The following KIAA0753 variants were observed in gnomAD, a reference collection of about 807,000 sequenced individuals.
KIAA0753 encodes the protein protein moonraker.
In KIAA0753, 114 loss-of-function variants were observed where a neutral mutation model predicts 116.9. That is an observed-to-expected ratio of 0.98 (90% CI 0.84 to 1.14). The LOEUF is 1.14. Ranked by LOEUF, KIAA0753 falls within the 50% of genes most tolerant of loss-of-function variation. The probability of loss-of-function intolerance (pLI) is 0.00; values close to 1 mark genes in which losing one functional copy is unlikely to be tolerated. For missense variants in KIAA0753, 1,156 were observed against 1,172.4 expected, an observed-to-expected ratio of 0.99 and a Z score of 0.20; for synonymous variants, 405 against 413.1, an observed-to-expected ratio of 0.98 and a Z score of 0.24.
chr17:6,594,827 G>A (rs1203081263), intron 16 of KIAA0753, 145 bp downstream of exon 16: 2 of 657,224 alleles, frequency 3.0e-6, no homozygotes, highest in Non-Finnish European at 5.4e-6. Flanking sequence ...GGATAAATAG[G>A]TGACAAAGCA....
intron 14 of KIAA0753, 57 bp downstream of exon 14, chr17:6,599,180 C>T: frequency 8.4e-7 from 1 of 1,189,284 alleles, no homozygotes; most frequent in Non-Finnish European, 1.3e-6. Context: ...ATTTTCATTA[C>T]AACTAAAGAT....
chr17:6,607,080 C>T lies in KIAA0753; in HGVS notation c.1919+101G>A. 8 of 1,391,510 alleles carry T rather than the reference C, an allele frequency of 5.7e-6. No individual in the cohort carries two copies. In the South Asian group the frequency reaches 9.4e-5, roughly 16 times the overall value. The allele number at this position is 1,391,510 out of a possible 1,614,324, so 86.2% of individuals were successfully genotyped here. ...AAGTGACTTCAGTCTTTTAAGGAGGCAGAAGTGTAGCTAGACCTAAATAAT... is the reference window on the plus strand; with the variant it reads ...AAGTGACTTCAGTCTTTTAAGGAGGTAGAAGTGTAGCTAGACCTAAATAAT... On this transcript the variant is annotated intron_variant, in intron 11 of 18. Coordinates refer to ENST00000361413, the MANE Select transcript of KIAA0753 (RefSeq NM_014804.3).
chr17:6,627,576 C>CCCTG (rs1567584737), intron 3 of KIAA0753, among the ~76,000 whole-genome samples: 1 of 152,144 alleles, frequency 6.6e-6, no homozygotes, highest in Non-Finnish European at 1.5e-5. Context: ...GAGAACACTG[C>CCCTG]AGAACTGTAG....
At chr17:6,640,217 G>A (rs1972576784) in intron 1 of KIAA0753, 2 of 152,168 alleles carry the variant, frequency 1.3e-5, no homozygotes, top group Non-Finnish European at 2.9e-5. Context: ...CGAACCCCCC[G>A]CCCCGACCTG....
intron 18 of KIAA0753, among the ~76,000 whole-genome samples, chr17:6,581,149 G>T (rs902443223): frequency 2.0e-5 from 3 of 151,974 alleles, no homozygotes; most frequent in African/African-American, 7.3e-5. Flanking sequence ...CTAGTCCAAG[G>T]TTCCAGTCTG....
At chr17:6,614,189 C>A (rs1273180340) in intron 7 of KIAA0753, among the ~76,000 whole-genome samples, 1 of 152,172 alleles carries the variant, frequency 6.6e-6, no homozygotes, top group Admixed American at 6.5e-5. Flanking sequence ...CTCTCACAGA[C>A]TATTAGCAAC....
intron 12 of KIAA0753, among the ~76,000 whole-genome samples, chr17:6,604,752 G>A (rs1041867535): frequency 1.3e-5 from 2 of 151,964 alleles, no homozygotes; most frequent in Non-Finnish European, 2.9e-5. Context: ...GTAGTACTGT[G>A]CTGTAGTTTC....
intron 3 of KIAA0753, 38 bp downstream of exon 3, chr17:6,628,079 C>G (rs767583775): frequency 5.1e-6 from 8 of 1,566,284 alleles, no homozygotes; most frequent in Non-Finnish European, 6.0e-6. Context: ...CCCATAATCA[C>G]AGCCTTAGGT....
At chr17:6,580,821 G>A (rs1968107583) in intron 18 of KIAA0753, among the ~76,000 whole-genome samples, 1 of 151,834 alleles carries the variant, frequency 6.6e-6, no homozygotes, top group Admixed American at 6.6e-5. Context: ...TGCCTGACCG[G>A]CCGACGGAGG....
chr17:6,600,320 A>T, intron 13 of KIAA0753, 60 bp downstream of exon 13: 1 of 1,311,216 alleles, frequency 7.6e-7, no homozygotes, highest in Non-Finnish European at 1.1e-6. Context: ...CTCTGCAGCA[A>T]CTCATTTTAA....
At chr17:6,600,572 C>T (rs551552797) in intron 12 of KIAA0753, 114 bp from the exon 13 acceptor site, 26 of 708,556 alleles carry the variant, frequency 3.7e-5, no homozygotes, top group African/African-American at 3.4e-4. Context: ...CTTCTCTAAC[C>T]GTTCATGGCC....
rs55849399 is a variant in KIAA0753, at chr17:6,624,536, C to CCACACACACA, written c.825+209_825+218dup. Reference sequence around the variant, plus strand: ...AAGAACCAGTTTAAGGAGTTTGGCGCCACACACACACACACACACACACAC... The same window carrying CCACACACACA: ...AAGAACCAGTTTAAGGAGTTTGGCGCCACACACACACACACACACACACACACACACACAC... On this transcript the variant is annotated intron_variant, in intron 4 of 18. Coordinates refer to ENST00000361413, the MANE Select transcript of KIAA0753 (RefSeq NM_014804.3). Among the ~76,000 whole-genome samples, 14,288 of 143,804 alleles carry CCACACACACA rather than the reference C, an allele frequency of 0.099. 860 individuals carry two copies. The highest frequency in any genetic ancestry group is 0.19 in the East Asian group (945 of 4,854). 94.3% of individuals were successfully genotyped at this position (143,804 alleles called of 152,430 possible).
chr17:6,610,872 G>A (rs571597070), intron 8 of KIAA0753, among the ~76,000 whole-genome samples: 1 of 152,232 alleles, frequency 6.6e-6, no homozygotes, highest in Non-Finnish European at 1.5e-5. Flanking sequence ...CTGTGGAGAG[G>A]CGCACCCATC....
chr17:6,622,330 A>G lies in KIAA0753; in HGVS notation c.1104+552T>C, dbSNP rs117787470. On this transcript the variant is annotated intron_variant, in intron 6 of 18. Transcript: ENST00000361413. ...TCAAATGGCATAATTACATGGAAACACCATGCAAACTTCAGAGAGCTATAA... is the reference window on the plus strand; with the variant it reads ...TCAAATGGCATAATTACATGGAAACGCCATGCAAACTTCAGAGAGCTATAA... Among the ~76,000 whole-genome samples the G allele has an allele frequency of 5.3e-3, 802 of 152,366 alleles. 4 individuals carry two copies. The highest frequency in any genetic ancestry group is 9.8e-3 in the Non-Finnish European group (669 of 68,030).
At chr17:6,592,613 A>T (rs972107597) in intron 16 of KIAA0753, among the ~76,000 whole-genome samples, 2 of 152,244 alleles carry the variant, frequency 1.3e-5, no homozygotes, top group African/African-American at 4.8e-5. Flanking sequence ...GACTTCCATT[A>T]GGAAAAAACA....
chr17:6,596,356 G>A lies in KIAA0753; in HGVS notation c.2173-13C>T. 4.4e-6 allele frequency: 7 copies of A among 1,590,528 alleles called. No homozygotes were observed. The highest frequency in any genetic ancestry group is 6.0e-6 in the Non-Finnish European group (7 of 1,163,500). On this transcript the variant is annotated splice_polypyrimidine_tract_variant and intron_variant, in intron 14 of 18. Transcript: ENST00000361413. ...CAACAGCTGCAACCTACAAGATGGG[G>A]TGGGGTGGGGAGGAGAGGCATGGGG...
At chr17:6,599,530 C>G (rs1969709995) in intron 13 of KIAA0753, among the ~76,000 whole-genome samples, 1 of 152,220 alleles carries the variant, frequency 6.6e-6, no homozygotes, top group African/African-American at 2.4e-5. Context: ...TCCCTCAACT[C>G]TGTAAACATT....
In KIAA0753 at chr17:6,618,872, A is replaced by G. The variant is rs184440212; in HGVS notation, c.1315+1916T>C. On this transcript the variant is annotated intron_variant, in intron 7 of 18. Coordinates refer to ENST00000361413, the MANE Select transcript of KIAA0753 (RefSeq NM_014804.3). ...ACAAAATCAGGTAGAAAAAAGTTCA[A>G]ATATGTCATTAATCTCATTAAATGT... is the stretch of plus-strand genomic sequence containing the variant. Among the ~76,000 whole-genome samples the G allele has an allele frequency of 1.3e-3, 194 of 152,340 alleles. 1 individual carries two copies. The highest frequency in any genetic ancestry group is 7.6e-4 in the Non-Finnish European group (52 of 68,030).
intron 7 of KIAA0753, among the ~76,000 whole-genome samples, chr17:6,619,390 T>A (rs55844550): frequency 0.1 from 15,229 of 152,208 alleles, 1,229 homozygotes; most frequent in East Asian, 0.32. Flanking sequence ...AATTCAGCTA[T>A]AAATCTATAT....
Sources: gnomAD v4.1 joint callset for allele counts (sites outside exome capture counted in the v4.1 genomes callset) on GRCh38, gnomAD v4.1.1 for gene constraint, MANE v1.5 for transcripts, NCBI Gene and HGNC (gene_info 2026-07-23, HGNC 2026-07-21) for gene names.